The following COBLL1 variants were observed in gnomAD, a reference collection of about 807,000 sequenced individuals.
The protein encoded by COBLL1 is cordon-bleu WH2 repeat protein like 1.
In COBLL1, 50 loss-of-function variants were observed where a neutral mutation model predicts 94.8. That is an observed-to-expected ratio of 0.53 (90% CI 0.42 to 0.67). The LOEUF is 0.67. COBLL1 is among the 30% of genes least tolerant of loss of function. The pLI is 0.00. For synonymous variants in COBLL1, 448 were observed against 473.8 expected, an observed-to-expected ratio of 0.95 and a Z score of 0.71; for missense variants, 1,362 against 1,348.7, an observed-to-expected ratio of 1.01 and a Z score of -0.15.
intron 2 of COBLL1, among the ~76,000 whole-genome samples, chr2:164,769,479 T>C (rs903651325): frequency 6.6e-6 from 1 of 152,224 alleles, no homozygotes; most frequent in Non-Finnish European, 1.5e-5. Context: ...ATATATATTA[T>C]CCCCAGTCAT....
At chr2:164,744,500 C>A in intron 2 of COBLL1, among the ~76,000 whole-genome samples, 1 of 152,114 alleles carries the variant, frequency 6.6e-6, no homozygotes, top group Non-Finnish European at 1.5e-5. Flanking sequence ...TCTCTACCTA[C>A]ATTTATAACT....
chr2:164,700,469 C>T (rs1684191436), intron 10 of COBLL1, 53 bp downstream of exon 10: 1 of 1,063,688 alleles, frequency 9.4e-7, no homozygotes, highest in Admixed American at 2.1e-5. Flanking sequence ...TTTCAGAAGA[C>T]TAGTATTAAT....
intron 5 of COBLL1, chr2:164,722,843 T>C (rs1443408480): frequency 6.0e-6 from 1 of 165,298 alleles, no homozygotes; most frequent in Admixed American, 6.3e-5. Context: ...AGAAGCAAAA[T>C]AGAAAGGACA....
At chr2:164,696,081 G>C in intron 11 of COBLL1, 1 of 387,826 alleles carries the variant, frequency 2.6e-6, no homozygotes, top group Non-Finnish European at 4.6e-6. Flanking sequence ...TAACCCCTTT[G>C]AGCCTCAGTT....
At chr2:164,801,593 G>A (rs569316837) in intron 2 of COBLL1, among the ~76,000 whole-genome samples, 26 of 151,948 alleles carry the variant, frequency 1.7e-4, no homozygotes, top group Admixed American at 1.6e-3. Context: ...ACGCCAGCCT[G>A]AGAGAAAGAG....
chr2:164,833,049 C>CA lies in COBLL1; in HGVS notation c.41+8106dup, dbSNP rs545982147. Among the ~76,000 whole-genome samples the CA allele has an allele frequency of 4.5e-3, 680 of 149,810 alleles. 4 individuals carry two copies. The highest frequency in any genetic ancestry group is 0.012 in the African/African-American group (502 of 40,722). Reference sequence around the variant, plus strand: ...CAAGAGTGAAACTCCATCTCAAAAACAAAAAAAACAAAAAACAGAACACTA... The same window carrying CA: ...CAAGAGTGAAACTCCATCTCAAAAACAAAAAAAAACAAAAAACAGAACACTA... On this transcript the variant is annotated intron_variant, in intron 2 of 13. Transcript: ENST00000652658.
At chr2:164,672,418 G>A (rs1691255100) in intron 1 of COBLL1, among the ~76,000 whole-genome samples, 1 of 152,140 alleles carries the variant, frequency 6.6e-6, no homozygotes, top group Non-Finnish European at 1.5e-5. Context: ...GACTTTGTAG[G>A]CCGGGCGCGG....
At chr2:164,805,319 C>CTA (rs1684048026) in intron 2 of COBLL1, among the ~76,000 whole-genome samples, 2 of 35,962 alleles carry the variant, frequency 5.6e-5, no homozygotes, top group South Asian at 8.2e-4. Context: ...CTCTCTCTCT[C>CTA]TCTCTCTCTC....
At chr2:164,808,759 C>T (rs564043280) in intron 2 of COBLL1, among the ~76,000 whole-genome samples, 1 of 152,120 alleles carries the variant, frequency 6.6e-6, no homozygotes, top group Non-Finnish European at 1.5e-5. Flanking sequence ...TTTTTAAAAA[C>T]TTTAAAATTT....
At chr2:164,821,041 C>T (rs1685144408) in intron 2 of COBLL1, among the ~76,000 whole-genome samples, 1 of 152,120 alleles carries the variant, frequency 6.6e-6, no homozygotes. Flanking sequence ...GCATGCATCA[C>T]CATGCCCAGC....
At chr2:164,800,704 C>A in intron 2 of COBLL1, 1 of 605,264 alleles carries the variant, frequency 1.7e-6, no homozygotes, top group Admixed American at 2.8e-5. Flanking sequence ...ATCCATACTA[C>A]AAAATACTAC....
downstream of COBLL1, among the ~76,000 whole-genome samples, chr2:164,678,701 G>A (rs1574393319): frequency 1.3e-5 from 2 of 152,208 alleles, no homozygotes; most frequent in Admixed American, 1.3e-4. Flanking sequence ...TAATGAGCTA[G>A]TATCAAGAAT....
chr2:164,723,312 T>A (rs1685548636), intron 5 of COBLL1: 1 of 152,154 alleles, frequency 6.6e-6, no homozygotes, highest in Non-Finnish European at 1.5e-5. Context: ...TATAAAATTT[T>A]CCAAAAAGCA....
chr2:164,753,126 C>G (rs1687210036), intron 2 of COBLL1, among the ~76,000 whole-genome samples: 1 of 152,136 alleles, frequency 6.6e-6, no homozygotes, highest in Non-Finnish European at 1.5e-5. Context: ...AGGGTCTCCT[C>G]TGAGGCTCAC....
chr2:164,705,165 A>G (rs1684519892), intron 7 of COBLL1, 60 bp from the exon 8 acceptor site: 1 of 1,355,964 alleles, frequency 7.4e-7, no homozygotes. Context: ...AAACTTTAGG[A>G]AGACACTGAA....
chr2:164,818,945 T>C (rs1367641519), intron 2 of COBLL1, among the ~76,000 whole-genome samples: 2 of 151,446 alleles, frequency 1.3e-5, no homozygotes, highest in African/African-American at 4.9e-5. Flanking sequence ...TTTTTTTTTA[T>C]TTTTTGGTAG....
At chr2:164,750,021 T>C (rs1423949172) in intron 2 of COBLL1, among the ~76,000 whole-genome samples, 1 of 152,226 alleles carries the variant, frequency 6.6e-6, no homozygotes, top group Non-Finnish European at 1.5e-5. Context: ...TTTCTAAATG[T>C]TGGGGCAACC....
chr2:164,684,229 T>C lies in COBLL1; in HGVS notation c.*1717A>G, dbSNP rs866657534. ...TGTAAGAATAATGTGCTGATATTTC[T>C]ATTAGGTAGACTTATCATGAGTTGT... On this transcript the variant is annotated 3_prime_UTR_variant, in exon 14 of 14. Transcript: ENST00000652658. 4.6e-5 allele frequency: 7 copies of C among 152,166 alleles called. No homozygotes were observed. The highest frequency in any genetic ancestry group is 1.7e-4 in the African/African-American group (7 of 41,456). The allele number at this position is 152,166 out of a possible 1,614,324, so 9.4% of individuals were successfully genotyped here. A position where few individuals can be genotyped will look rare whatever the true frequency, so the allele number is the denominator to read the frequency against.
intron 2 of COBLL1, among the ~76,000 whole-genome samples, chr2:164,658,130 T>C (rs983023282): frequency 7.2e-5 from 11 of 152,150 alleles, no homozygotes; most frequent in Admixed American, 6.5e-4. Flanking sequence ...TACTATCTGA[T>C]TGGTCATGTG....
Sources: allele counts gnomAD v4.1 joint callset (sites outside exome capture counted in the v4.1 genomes callset), GRCh38; gene constraint gnomAD v4.1.1; transcripts MANE v1.5; gene names NCBI Gene and HGNC (gene_info 2026-07-23, HGNC 2026-07-21).